PSMD9: variants seen among roughly 807,000 people sequenced by gnomAD.
The protein encoded by PSMD9 is 26S proteasome non-ATPase regulatory subunit 9.
Under a neutral mutation model 25.9 loss-of-function variants are expected in PSMD9, and 26 were observed. That is an observed-to-expected ratio of 1.00 (90% CI 0.73 to 1.39). The LOEUF (loss-of-function observed/expected upper bound fraction) is 1.39, where lower values mean the gene tolerates loss of function less well. PSMD9 is among the 40% of genes most tolerant of loss of function. The probability of loss-of-function intolerance (pLI) is 0.00; values close to 1 mark genes in which losing one functional copy is unlikely to be tolerated. For synonymous variants in PSMD9, 110 were observed against 114.5 expected, an observed-to-expected ratio of 0.96 and a Z score of 0.25; for missense variants, 303 against 299.3, an observed-to-expected ratio of 1.01 and a Z score of -0.09.
At position 121,899,561 on chromosome 12, in the gene PSMD9, TC is replaced by T. The variant is rs1471308615; in HGVS notation, c.242-72del. On this transcript the variant is annotated intron_variant, in intron 2 of 5. Coordinates refer to ENST00000541212, the MANE Select transcript of PSMD9 (RefSeq NM_002813.7). ...CATGTAATAAGCACTTGTTAACTCTTCAGTGAATAAATGTAGGAGTCTTGTG... is the reference window on the plus strand; with the variant it reads ...CATGTAATAAGCACTTGTTAACTCTTAGTGAATAAATGTAGGAGTCTTGTG... The T allele has an allele frequency of 7.2e-6, 10 of 1,381,428 alleles. No individual in the cohort carries two copies. The Admixed American group carries it at 2.2e-4, about 30-fold the overall frequency. The allele number at this position is 1,381,428 out of a possible 1,614,324, so 85.6% of individuals were successfully genotyped here. A position where few individuals can be genotyped will look rare whatever the true frequency, so the allele number is the denominator to read the frequency against.
intron 4 of PSMD9, 58 bp downstream of exon 4, chr12:121,903,165 G>C: frequency 7.1e-7 from 1 of 1,407,606 alleles, no homozygotes; most frequent in Non-Finnish European, 1.0e-6. Flanking sequence ...GTATGCCATA[G>C]ACTGCGTGGC....
intron 1 of PSMD9, 44 bp from the exon 2 acceptor site, chr12:121,894,695 C>A: frequency 6.6e-7 from 1 of 1,523,700 alleles, no homozygotes; most frequent in Non-Finnish European, 9.1e-7. Flanking sequence ...ATCCTGGGGA[C>A]ATTACACCCA....
intron 1 of PSMD9, chr12:121,893,873 A>G (rs1040624506): frequency 6.6e-6 from 1 of 152,248 alleles, no homozygotes; most frequent in Non-Finnish European, 1.5e-5. Context: ...TCAACCCACT[A>G]TGCTGTGTAT....
In PSMD9 at chr12:121,894,819, C is replaced by A; in HGVS notation, c.219C>A (p.Arg73=). The change falls in exon 2 of 6, where the codon CGC becomes CGA. Residue 73 remains arginine (R), a synonymous_variant. Coordinates refer to ENST00000541212, the MANE Select transcript of PSMD9 (RefSeq NM_002813.7). The part of the protein sequence containing the change: ...PRSDVDLYQV[R]TARHNIICLQ... ...CAGACGTGGACCTGTACCAAGTCCG[C>A]ACCGCCAGGCACAACATCATATGTG... 2 of 1,613,692 alleles carry A rather than the reference C, an allele frequency of 1.2e-6. No individual in the cohort carries two copies. Among genetic ancestry groups the A allele is most frequent in the Non-Finnish European group, 1.7e-6 (2 of 1,179,854 alleles).
At chr12:121,906,965 CAAAA>C (rs111345955) in intron 4 of PSMD9, among the ~76,000 whole-genome samples, 3 of 133,172 alleles carry the variant, frequency 2.3e-5, no homozygotes, top group African/African-American at 2.9e-5. Context: ...GGCTCTGTGT[CAAAA>C]AAAAAAAAAA....
chr12:121,893,730 G>A (rs931923491), intron 1 of PSMD9: 1 of 152,160 alleles, frequency 6.6e-6, no homozygotes, highest in African/African-American at 2.4e-5. Context: ...CTTTTATGAG[G>A]ACACCAGCCA....
At chr12:121,904,391 G>A (rs1427669139) in intron 4 of PSMD9, among the ~76,000 whole-genome samples, 2 of 149,084 alleles carry the variant, frequency 1.3e-5, no homozygotes, top group African/African-American at 5.1e-5. Flanking sequence ...TGGCTAACAC[G>A]GTGAAACCCC....
chr12:121,903,678 C>G (rs1879465849), intron 4 of PSMD9, among the ~76,000 whole-genome samples: 1 of 151,768 alleles, frequency 6.6e-6, no homozygotes, highest in Admixed American at 6.6e-5. Context: ...CCTTTCCTGG[C>G]TACCCTAACC....
chr12:121,899,620 G>T lies in PSMD9; in HGVS notation c.242-14G>T. The T allele has an allele frequency of 6.3e-7, 1 of 1,584,786 alleles. No individual in the cohort carries two copies. The highest frequency in any genetic ancestry group is 8.6e-7 in the Non-Finnish European group (1 of 1,164,880). On this transcript the variant is annotated splice_polypyrimidine_tract_variant and intron_variant, in intron 2 of 5. Transcript: ENST00000541212. ...CTGTCTTCCTTGGCCCCTGATGTGT[G>T]GTTCTCATCCCAGGCCTGCAGAATG...
At chr12:121,894,901 C>G in intron 2 of PSMD9, 60 bp downstream of exon 2, 1 of 1,370,698 alleles carries the variant, frequency 7.3e-7, no homozygotes, top group Non-Finnish European at 1.0e-6. Context: ...TAAAGGCATA[C>G]AAATAAAACC....
chr12:121,903,104 G>C lies in PSMD9; in HGVS notation c.552G>C (p.Glu184Asp), dbSNP rs1269349841. ...TTGGCAGTGTGGTGCAGCACAGTGA[G>C]GGGGTGAGTGGGGCTACCTGGTGTC... Reference protein sequence around the residue: ...HNIGSVVQHSEGKPLNVTVIR... With the variant: ...HNIGSVVQHSDGKPLNVTVIR... The change falls in exon 4 of 6, where the codon GAG becomes GAC. Residue 184 changes from glutamate (E) to aspartate (D), a missense_variant. Transcript: ENST00000541212. 3.7e-6 allele frequency: 6 copies of C among 1,612,292 alleles called. No individual in the cohort carries two copies. The Admixed American group carries it at 1.0e-4, about 27-fold the overall frequency.
intron 4 of PSMD9, among the ~76,000 whole-genome samples, chr12:121,910,760 C>CAA (rs398056016): frequency 7.6e-6 from 1 of 130,770 alleles, no homozygotes; most frequent in African/African-American, 2.8e-5. Context: ...AACTTTGTCT[C>CAA]AAAAAAAAAA....
chr12:121,900,408 T>G (rs1239978018), intron 3 of PSMD9, among the ~76,000 whole-genome samples: 1 of 151,888 alleles, frequency 6.6e-6, no homozygotes, highest in Non-Finnish European at 1.5e-5. Context: ...AATTTTTTTT[T>G]GACCGGGAGC....
At chr12:121,901,977 G>A (rs1277745533) in intron 3 of PSMD9, 2 of 152,180 alleles carry the variant, frequency 1.3e-5, no homozygotes, top group East Asian at 3.8e-4. Flanking sequence ...CACTGTGCCT[G>A]GCCCTTCATT....
At chr12:121,911,370 G>A (rs1242041499) in intron 4 of PSMD9, among the ~76,000 whole-genome samples, 1 of 151,994 alleles carries the variant, frequency 6.6e-6, no homozygotes, top group Non-Finnish European at 1.5e-5. Flanking sequence ...TGTCCTCAAG[G>A]TTCATCCATG....
chr12:121,903,718 G>C (rs1441948521), intron 4 of PSMD9, among the ~76,000 whole-genome samples: 1 of 140,468 alleles, frequency 7.1e-6, no homozygotes, highest in African/African-American at 2.7e-5. Context: ...CCCTGTCTCT[G>C]TTTTCATTTA....
In PSMD9 at chr12:121,904,115, A is replaced by G. The variant is rs975169197; in HGVS notation, c.555+1008A>G. On this transcript the variant is annotated intron_variant, in intron 4 of 5. Transcript: ENST00000541212. The stretch of plus-strand genomic sequence containing the variant: ...GTCAGGAGATGGCTGGCAGTTGCCT[A>G]TGCCCCTGCTAGTGGTCAGGCCATC... Among the ~76,000 whole-genome samples, 8 of 152,168 alleles carry G rather than the reference A, an allele frequency of 5.3e-5. No homozygotes were observed. In the East Asian group the frequency reaches 7.7e-4, roughly 15 times the overall value.
intron 4 of PSMD9, among the ~76,000 whole-genome samples, chr12:121,906,835 T>C (rs1879571713): frequency 7.0e-6 from 1 of 143,714 alleles, no homozygotes; most frequent in South Asian, 2.2e-4. Flanking sequence ...AAAAATTAGG[T>C]GTGGTGGTAC....
intron 4 of PSMD9, among the ~76,000 whole-genome samples, chr12:121,913,924 G>A (rs1627963): frequency 0.044 from 6,719 of 151,702 alleles, 470 homozygotes; most frequent in African/African-American, 0.15. Context: ...TTTTGAGACA[G>A]GGTCTCACTC....
Sources: allele counts gnomAD v4.1 joint callset (sites outside exome capture counted in the v4.1 genomes callset), GRCh38; gene constraint gnomAD v4.1.1; transcripts MANE v1.5; gene names NCBI Gene and HGNC (gene_info 2026-07-23, HGNC 2026-07-21).